Variants in PREX2 observed in about 807,000 individuals in gnomAD.
PREX2 encodes phosphatidylinositol 3,4,5-trisphosphate-dependent Rac exchanger 2 protein.
PREX2 carries 107 observed loss-of-function variants against 203.2 expected under a neutral mutation model. That is an observed-to-expected ratio of 0.53 (90% confidence interval 0.45 to 0.62). The LOEUF (loss-of-function observed/expected upper bound fraction) is 0.62. PREX2 is among the 20% of genes least tolerant of loss of function. The probability of loss-of-function intolerance (pLI) is 0.00; values close to 1 mark genes in which losing one functional copy is unlikely to be tolerated. For missense variants in PREX2, 1,777 were observed against 1,955.9 expected (o/e 0.91, Z 1.72); for synonymous variants, 672 against 663.6 (o/e 1.01, Z -0.19).
At position 68,234,055 on chromosome 8, in the gene PREX2, A is replaced by G. The variant is rs1009589892; in HGVS notation, c.*2677A>G. On this transcript the variant is annotated 3_prime_UTR_variant, in exon 40 of 40. Transcript: ENST00000288368. Reference sequence around the variant, plus strand: ...TTTGAGGTAACTCAACAGTGTTGCAATCTGAAAAACTATTTTGTATCATGT... The same window carrying G: ...TTTGAGGTAACTCAACAGTGTTGCAGTCTGAAAAACTATTTTGTATCATGT... 1 of 152,232 alleles carries G rather than the reference A, an allele frequency of 6.6e-6. No individual in the cohort carries two copies. Among genetic ancestry groups the G allele is most frequent in the African/African-American group, 2.4e-5 (1 of 41,464 alleles). The allele number at this position is 152,232 out of a possible 1,614,324, so 9.4% of individuals were successfully genotyped here. A position where few individuals can be genotyped will look rare whatever the true frequency, so the allele number is the denominator to read the frequency against.
chr8:68,105,482 C>T (rs1353781155), intron 23 of PREX2: 1 of 1,152,770 alleles, frequency 8.7e-7, no homozygotes, highest in Non-Finnish European at 1.1e-6. Flanking sequence ...GTTGGAAAGC[C>T]AGTCCCCCTA....
rs113501556 is a variant in PREX2 at position 67,983,320 on chromosome 8, G to T, written c.141+30785G>T. ...TCATGAAAAGAGACCTGCAGATGCA[G>T]GTTGTTCCCTGCATTGCCCAGCTGT... On this transcript the variant is annotated intron_variant, in intron 1 of 39. Coordinates refer to ENST00000288368, the MANE Select transcript of PREX2 (RefSeq NM_024870.4). 3.4e-3 allele frequency among the ~76,000 whole-genome samples: 225 copies of T among 65,980 alleles called. 4 individuals are homozygous for T. The highest frequency in any genetic ancestry group is 0.011 in the African/African-American group (213 of 19,344). The allele number at this position is 65,980 out of a possible 152,430, so 43.3% of individuals were successfully genotyped here. A position where few individuals can be genotyped will look rare whatever the true frequency, so the allele number is the denominator to read the frequency against.
intron 39 of PREX2, among the ~76,000 whole-genome samples, chr8:68,228,592 C>G (rs1327436723): frequency 6.6e-6 from 1 of 151,940 alleles, no homozygotes. Context: ...GAAACCCCAT[C>G]TCTACTAAAA....
intron 1 of PREX2, among the ~76,000 whole-genome samples, chr8:67,956,230 G>T (rs1289649102): frequency 1.3e-5 from 2 of 152,176 alleles, no homozygotes. Flanking sequence ...CCAAAGTCTG[G>T]ACAATAGTAA....
intron 1 of PREX2, among the ~76,000 whole-genome samples, chr8:67,963,177 A>C (rs1375113865): frequency 6.6e-6 from 1 of 152,142 alleles, no homozygotes; most frequent in African/African-American, 2.4e-5. Context: ...TAACTTCTGC[A>C]GTGTGCCCTT....
chr8:68,020,595 A>C (rs1807542396), intron 3 of PREX2, among the ~76,000 whole-genome samples: 1 of 152,204 alleles, frequency 6.6e-6, no homozygotes, highest in African/African-American at 2.4e-5. Context: ...TTATAGTCAG[A>C]AAATATTTCA....
intron 35 of PREX2, among the ~76,000 whole-genome samples, chr8:68,182,676 C>T (rs761859821): frequency 4.6e-5 from 7 of 151,672 alleles, no homozygotes; most frequent in South Asian, 4.2e-4. Context: ...AAATAAAGTT[C>T]GATTCAGTTC....
At chr8:68,146,429 A>G (rs1196431015) in intron 34 of PREX2, 77 bp downstream of exon 34, 1 of 1,248,254 alleles carries the variant, frequency 8.0e-7, no homozygotes, top group African/African-American at 1.5e-5. Flanking sequence ...ATGTGATTTT[A>G]ACAGTTGGGA....
At chr8:68,067,064 G>T (rs1323823343) in intron 11 of PREX2, among the ~76,000 whole-genome samples, 2 of 152,008 alleles carry the variant, frequency 1.3e-5, no homozygotes, top group South Asian at 4.1e-4. Flanking sequence ...TCTGGGATCT[G>T]ATCTCTATTC....
At chr8:68,228,052 T>G (rs1813087200) in intron 39 of PREX2, among the ~76,000 whole-genome samples, 1 of 152,038 alleles carries the variant, frequency 6.6e-6, no homozygotes, top group Admixed American at 6.5e-5. Context: ...GAGAATCAAG[T>G]GAATGGGTAT....
intron 15 of PREX2, among the ~76,000 whole-genome samples, chr8:68,079,713 A>T (rs905043074): frequency 6.6e-6 from 1 of 152,178 alleles, no homozygotes; most frequent in African/African-American, 2.4e-5. Flanking sequence ...AATTCTTCAT[A>T]TCAGTATTTA....
intron 1 of PREX2, among the ~76,000 whole-genome samples, chr8:67,988,868 C>T (rs760900714): frequency 1.5e-4 from 23 of 152,212 alleles, no homozygotes; most frequent in Non-Finnish European, 2.8e-4. Context: ...CAACTATCGC[C>T]AAGAGGCAGC....
chr8:68,223,168 G>C (rs2129615450), intron 38 of PREX2: 1 of 152,332 alleles, frequency 6.6e-6, no homozygotes, highest in African/African-American at 2.4e-5. Context: ...CTTGGTTTTA[G>C]TAATCACACT....
intron 23 of PREX2, chr8:68,100,356 T>C (rs1810223578): frequency 2.7e-6 from 1 of 364,792 alleles, no homozygotes; most frequent in Admixed American, 3.8e-5. Flanking sequence ...AGACAATTTC[T>C]CTCCTCTCAT....
intron 1 of PREX2, among the ~76,000 whole-genome samples, chr8:67,966,287 T>A (rs1805776373): frequency 6.6e-6 from 1 of 152,154 alleles, no homozygotes; most frequent in Non-Finnish European, 1.5e-5. Flanking sequence ...GAAAATAAAT[T>A]GCCTATAGTT....
intron 37 of PREX2, among the ~76,000 whole-genome samples, chr8:68,193,852 C>T (rs1812342934): frequency 6.6e-6 from 1 of 152,180 alleles, no homozygotes; most frequent in Admixed American, 6.5e-5. Context: ...TGGGAAACTC[C>T]ATTTTGCCTT....
intron 34 of PREX2, among the ~76,000 whole-genome samples, chr8:68,147,703 T>G (rs1265405216): frequency 1.3e-5 from 2 of 152,182 alleles, no homozygotes; most frequent in East Asian, 3.9e-4. Context: ...TGAATTCAAT[T>G]ACCATAGTTT....
chr8:68,169,176 G>A (rs998517015), intron 35 of PREX2, among the ~76,000 whole-genome samples: 4 of 151,952 alleles, frequency 2.6e-5, no homozygotes, highest in Admixed American at 6.6e-5. Flanking sequence ...TCCTACAAAC[G>A]AGTGTTCTAT....
chr8:68,092,789 A>G (rs531981622), intron 20 of PREX2, among the ~76,000 whole-genome samples: 4 of 152,308 alleles, frequency 2.6e-5, no homozygotes, highest in Admixed American at 2.0e-4. Context: ...TTGATTCATC[A>G]GACAAGTGTC....
Sources: gnomAD v4.1 joint callset for allele counts (sites outside exome capture counted in the v4.1 genomes callset) on GRCh38, gnomAD v4.1.1 for gene constraint, MANE v1.5 for transcripts, NCBI Gene and HGNC (gene_info 2026-07-23, HGNC 2026-07-21) for gene names.